The following STRN3 variants were observed in gnomAD, a reference collection of about 807,000 sequenced individuals.
The protein encoded by STRN3 is striatin 3.
In STRN3, 29 loss-of-function variants were observed where a neutral mutation model predicts 95.6. The observed-to-expected ratio is 0.30, with a 90% CI of 0.23 to 0.41. The LOEUF is 0.41. Ranked by LOEUF, STRN3 falls within the 10% of genes least tolerant of loss-of-function variation. The pLI, the probability that STRN3 is intolerant of heterozygous loss-of-function variation, is 1.00. For synonymous variants in STRN3, 331 were observed against 357.6 expected, an observed-to-expected ratio of 0.93 and a Z score of 0.84; for missense variants, 890 against 972.1, an observed-to-expected ratio of 0.92 and a Z score of 1.12.
At chr14:30,959,887 A>C (rs1379059363) in intron 1 of STRN3, among the ~76,000 whole-genome samples, 1 of 152,226 alleles carries the variant, frequency 6.6e-6, no homozygotes, top group African/African-American at 2.4e-5. Context: ...AAAGGCATTA[A>C]AGACAACCTA....
chr14:31,019,368 G>A (rs1270418896), intron 1 of STRN3, among the ~76,000 whole-genome samples: 1 of 152,026 alleles, frequency 6.6e-6, no homozygotes, highest in African/African-American at 2.4e-5. Flanking sequence ...ATGGATAGAA[G>A]TACAGGTAAA....
intron 1 of STRN3, among the ~76,000 whole-genome samples, chr14:30,960,295 G>A (rs1880125326): frequency 6.6e-6 from 1 of 152,100 alleles, no homozygotes; most frequent in African/African-American, 2.4e-5. Context: ...GAGCTATCAG[G>A]CCACTGCACT....
chr14:30,980,903 C>A (rs768592220), intron 1 of STRN3, among the ~76,000 whole-genome samples: 17 of 151,910 alleles, frequency 1.1e-4, no homozygotes, highest in Non-Finnish European at 1.6e-4. Context: ...CAGAAGCAAA[C>A]ATCCAAGGAA....
chr14:30,984,237 A>G (rs1409164244), intron 1 of STRN3, among the ~76,000 whole-genome samples: 1 of 140,314 alleles, frequency 7.1e-6, no homozygotes, highest in Non-Finnish European at 1.5e-5. Flanking sequence ...AAAATGAAGC[A>G]GGCAAAGAAA....
At position 30,927,046 on chromosome 14, in the gene STRN3, A is replaced by G. The variant is rs1878214300; in HGVS notation, c.1099+2155T>C. Among the ~76,000 whole-genome samples, 12 of 152,278 alleles carry G rather than the reference A, an allele frequency of 7.9e-5. No individual in the cohort carries two copies. The South Asian group carries it at 2.5e-3, about 32-fold the overall frequency. The stretch of plus-strand genomic sequence containing the variant: ...AGGTCAAGCACGGTGGCTCGTGCCT[A>G]TAATCTTAACACTCTGAAAAGCTGA... On this transcript the variant is annotated intron_variant, in intron 8 of 17. Transcript: ENST00000357479.
At position 30,979,898 on chromosome 14, in the gene STRN3, C is replaced by T. The variant is rs140989364; in HGVS notation, c.283-23656G>A. On this transcript the variant is annotated intron_variant, in intron 1 of 17. Transcript: ENST00000357479. ...TACAGAAGTGAGCCACCATGCCTGG[C>T]GGGACATTTTATATATCATCTGAAT... Among the ~76,000 whole-genome samples, 75 of 151,862 alleles carry T rather than the reference C, an allele frequency of 4.9e-4. 2 individuals carry two copies. The highest frequency in any genetic ancestry group is 3.4e-3 in the Middle Eastern group (1 of 294).
intron 3 of STRN3, among the ~76,000 whole-genome samples, chr14:30,952,651 G>C (rs1043616248): frequency 1.3e-5 from 2 of 151,948 alleles, no homozygotes; most frequent in Admixed American, 1.3e-4. Flanking sequence ...ATTGAGCCAA[G>C]ATCGTACCAT....
intron 1 of STRN3, among the ~76,000 whole-genome samples, chr14:31,022,370 G>A (rs1594598793): frequency 1.6e-5 from 2 of 128,882 alleles, no homozygotes; most frequent in South Asian, 4.8e-4. Context: ...ACAGTAGAGC[G>A]AGACTCCATC....
intron 1 of STRN3, among the ~76,000 whole-genome samples, chr14:30,982,570 G>A (rs904246752): frequency 2.6e-5 from 4 of 152,188 alleles, no homozygotes; most frequent in African/African-American, 7.2e-5. Flanking sequence ...TCGGCATCCC[G>A]AAGTGGTGGG....
intron 1 of STRN3, among the ~76,000 whole-genome samples, chr14:30,993,480 C>A (rs1436729714): frequency 6.6e-6 from 1 of 152,124 alleles, no homozygotes; most frequent in African/African-American, 2.4e-5. Flanking sequence ...TAAACACATT[C>A]AAATGACTTA....
At chr14:30,964,096 A>G (rs1880351536) in intron 1 of STRN3, among the ~76,000 whole-genome samples, 1 of 152,166 alleles carries the variant, frequency 6.6e-6, no homozygotes, top group Non-Finnish European at 1.5e-5. Context: ...TCGTAAAAAT[A>G]CAAAAATTAG....
chr14:30,910,674 T>G (rs557189242), intron 13 of STRN3, among the ~76,000 whole-genome samples: 14 of 152,194 alleles, frequency 9.2e-5, no homozygotes, highest in African/African-American at 2.6e-4. Context: ...TAATGATTTA[T>G]ACCCCTGATG....
At chr14:30,988,896 A>C (rs1881816556) in intron 1 of STRN3, among the ~76,000 whole-genome samples, 1 of 152,250 alleles carries the variant, frequency 6.6e-6, no homozygotes, top group Admixed American at 6.5e-5. Context: ...CTCCACTTCC[A>C]ATAATGAATT....
At chr14:30,918,373 G>A (rs1896793045) in intron 9 of STRN3, among the ~76,000 whole-genome samples, 1 of 152,030 alleles carries the variant, frequency 6.6e-6, no homozygotes, top group Non-Finnish European at 1.5e-5. Context: ...CCGGGGAATG[G>A]TGGTGTGCGC....
At chr14:31,006,233 C>T (rs1348716827) in intron 1 of STRN3, among the ~76,000 whole-genome samples, 1 of 151,894 alleles carries the variant, frequency 6.6e-6, no homozygotes, top group African/African-American at 2.4e-5. Flanking sequence ...TCAAAAAATT[C>T]CATTATATAA....
chr14:30,938,570 T>A (rs536466136), intron 5 of STRN3, among the ~76,000 whole-genome samples: 21 of 152,266 alleles, frequency 1.4e-4, no homozygotes, highest in Non-Finnish European at 2.6e-4. Flanking sequence ...CAGCAATACA[T>A]GTGCATGGCT....
intron 9 of STRN3, among the ~76,000 whole-genome samples, chr14:30,917,097 C>T (rs1896759638): frequency 6.6e-6 from 1 of 152,092 alleles, no homozygotes; most frequent in African/African-American, 2.4e-5. Flanking sequence ...TTGGGGACTG[C>T]CACTGAAAAT....
chr14:30,970,178 G>T (rs1880754140), intron 1 of STRN3, among the ~76,000 whole-genome samples: 1 of 152,102 alleles, frequency 6.6e-6, no homozygotes, highest in Non-Finnish European at 1.5e-5. Flanking sequence ...TATACCCTGT[G>T]GGGACTTGCC....
At position 31,009,945 on chromosome 14, in the gene STRN3, A is replaced by T. The variant is rs566066261; in HGVS notation, c.282+15959T>A. On this transcript the variant is annotated intron_variant, in intron 1 of 17. Transcript: ENST00000357479. ...GAGACACCATCTCCATGAAAAAAAA[A>T]TTTTTTAAGTAGCTGGGCATGATGG... Among the ~76,000 whole-genome samples the T allele has an allele frequency of 1.9e-3, 288 of 152,072 alleles. 1 individual carries two copies. Among genetic ancestry groups the T allele is most frequent in the Admixed American group, 3.9e-3 (60 of 15,252 alleles).
Sources: allele counts gnomAD v4.1 joint callset (sites outside exome capture counted in the v4.1 genomes callset), GRCh38; gene constraint gnomAD v4.1.1; transcripts MANE v1.5; gene names NCBI Gene and HGNC (gene_info 2026-07-23, HGNC 2026-07-21).